P2RX4: variants seen among roughly 807,000 people sequenced by gnomAD.
P2RX4 encodes the protein purinergic receptor P2X 4, also known as P2X purinoceptor 4.
A neutral mutation model predicts 48.0 loss-of-function variants in P2RX4; 37 were observed. That is an observed-to-expected ratio of 0.77 (90% confidence interval 0.59 to 1.01). The LOEUF (loss-of-function observed/expected upper bound fraction) is 1.01, where lower values mean the gene tolerates loss of function less well. Ranked by LOEUF, P2RX4 falls within the 50% of genes least tolerant of loss-of-function variation. The pLI, the probability that P2RX4 is intolerant of heterozygous loss-of-function variation, is 0.00. For synonymous variants in P2RX4, 200 were observed against 199.7 expected, an observed-to-expected ratio of 1.00 and a Z score of -0.01; for missense variants, 501 against 521.4, an observed-to-expected ratio of 0.96 and a Z score of 0.38.
At chr12:121,215,382 A>G (rs1454666125) in intron 1 of P2RX4, 1 of 151,922 alleles carries the variant, frequency 6.6e-6, no homozygotes, top group African/African-American at 2.4e-5. Flanking sequence ...GAGCTGAGCC[A>G]TGAACCAAGA....
intron 2 of P2RX4, among the ~76,000 whole-genome samples, chr12:121,220,726 C>T (rs1886540977): frequency 1.3e-5 from 2 of 152,142 alleles, no homozygotes; most frequent in African/African-American, 2.4e-5. Context: ...CAAGCATCAC[C>T]TCTATCTAGT....
chr12:121,210,877 C>T (rs1885791541), intron 1 of P2RX4, among the ~76,000 whole-genome samples: 1 of 152,244 alleles, frequency 6.6e-6, no homozygotes. Context: ...CCCTGAACGT[C>T]TCAATCTTCG....
At chr12:121,227,052 G>A (rs1473149268) in intron 5 of P2RX4, among the ~76,000 whole-genome samples, 1 of 151,714 alleles carries the variant, frequency 6.6e-6, no homozygotes, top group African/African-American at 2.4e-5. Context: ...AGGTTGCAGT[G>A]AGCCGAGATC....
At chr12:121,228,470 T>TAA (rs1169814382) in intron 5 of P2RX4, 63 bp from the exon 6 acceptor site, 19 of 913,284 alleles carry the variant, frequency 2.1e-5, no homozygotes, top group Non-Finnish European at 3.3e-5. Context: ...TATATATATA[T>TAA]AACATGGTTA....
At chr12:121,213,234 C>T (rs1886006058) in intron 1 of P2RX4, 1 of 152,024 alleles carries the variant, frequency 6.6e-6, no homozygotes, top group African/African-American at 2.4e-5. Flanking sequence ...TGAGACAAAC[C>T]TGGGCAACAT....
chr12:121,217,069 C>T (rs1886274044), intron 1 of P2RX4, 65 bp from the exon 2 acceptor site: 7 of 1,523,024 alleles, frequency 4.6e-6, no homozygotes, highest in Non-Finnish European at 4.6e-6. Flanking sequence ...CCAGCAGAAG[C>T]TTCCCCATCA....
At chr12:121,211,802 G>T (rs1381395801) in intron 1 of P2RX4, among the ~76,000 whole-genome samples, 1 of 152,154 alleles carries the variant, frequency 6.6e-6, no homozygotes, top group East Asian at 1.9e-4. Flanking sequence ...AGCCTCCTGA[G>T]TAGCTGGGAT....
chr12:121,217,011 C>G, intron 1 of P2RX4, 123 bp from the exon 2 acceptor site: 1 of 989,578 alleles, frequency 1.0e-6, no homozygotes, highest in Non-Finnish European at 1.6e-6. Flanking sequence ...AGGTACGTAG[C>G]TTGTAGAAAG....
Position 121,219,577 on chromosome 12 carries a change from G to GTGGATGGATGGA in P2RX4, c.283-2306_283-2295dup, listed in dbSNP as rs767985861. ...AGACCCCATCTTGATTGGATGGGTGGTGGATGGATGGATGGATGGATGGAT... is the reference window on the plus strand; with the variant it reads ...AGACCCCATCTTGATTGGATGGGTGGTGGATGGATGGATGGATGGATGGATGGATGGATGGAT... On this transcript the variant is annotated intron_variant, in intron 2 of 11. Transcript: ENST00000337233. 4.4e-3 allele frequency among the ~76,000 whole-genome samples: 617 copies of GTGGATGGATGGA among 139,682 alleles called. 7 individuals are homozygous for GTGGATGGATGGA. Among genetic ancestry groups the GTGGATGGATGGA allele is most frequent in the African/African-American group, 9.7e-3 (355 of 36,718 alleles). The allele number at this position is 139,682 out of a possible 152,430, so 91.6% of individuals were successfully genotyped here.
In P2RX4 at chr12:121,232,687, T is replaced by G. The variant is rs28360473; in HGVS notation, c.1044+11T>G. 6.2e-7 allele frequency: 1 copy of G among 1,607,972 alleles called. No individual in the cohort carries two copies. Among genetic ancestry groups the G allele is most frequent in the Non-Finnish European group, 8.5e-7 (1 of 1,174,566 alleles). On this transcript the variant is annotated intron_variant, in intron 10 of 11. Transcript: ENST00000337233. The surrounding 1 kb of genome is among the most constrained non-coding windows in gnomAD (Gnocchi z 4.3). ...GCACTGCTAGGCATGGTGAGTGGTT[T>G]AGGCCCTGCCTTCACCCTCACGGTG...
intron 2 of P2RX4, among the ~76,000 whole-genome samples, chr12:121,219,810 TGATA>T (rs946285457): frequency 6.7e-6 from 1 of 148,576 alleles, no homozygotes; most frequent in African/African-American, 2.5e-5. Flanking sequence ...AGAAAACAGA[TGATA>T]GATATAGGAT....
chr12:121,218,385 G>T (rs1369334137), intron 2 of P2RX4, among the ~76,000 whole-genome samples: 1 of 152,170 alleles, frequency 6.6e-6, no homozygotes, highest in South Asian at 2.1e-4. Flanking sequence ...TAGGGAGGCT[G>T]AGGCAGGAGA....
chr12:121,215,122 T>G (rs565443635), intron 1 of P2RX4: 14 of 152,118 alleles, frequency 9.2e-5, no homozygotes, highest in Non-Finnish European at 1.6e-4. Flanking sequence ...TAGTCTCTAG[T>G]AGATGTTTAA....
intron 8 of P2RX4, among the ~76,000 whole-genome samples, chr12:121,231,803 A>G (rs1169601656): frequency 2.0e-5 from 3 of 152,102 alleles, no homozygotes; most frequent in African/African-American, 7.2e-5. Flanking sequence ...CAAGAGATTG[A>G]GACCATCATG....
intron 3 of P2RX4, 36 bp downstream of exon 3, chr12:121,222,020 C>A (rs538423423): frequency 1.2e-6 from 2 of 1,601,452 alleles, no homozygotes; most frequent in Admixed American, 1.7e-5. Context: ...AGGCCCCACA[C>A]CCCTCTCCAC....
intron 2 of P2RX4, among the ~76,000 whole-genome samples, chr12:121,219,097 G>T (rs1033172593): frequency 6.6e-6 from 1 of 152,178 alleles, no homozygotes; most frequent in African/African-American, 2.4e-5. Flanking sequence ...GTATAACTCA[G>T]GAGAGTCGTA....
chr12:121,233,511 CCTT>C lies in P2RX4; in HGVS notation c.1141-8_1141-6del, dbSNP rs767620904. On this transcript the variant is annotated splice_polypyrimidine_tract_variant and intron_variant, in intron 11 of 11. Coordinates refer to ENST00000337233, the MANE Select transcript of P2RX4 (RefSeq NM_002560.3). Reference sequence around the variant, plus strand: ...CAGGGGCACCTTGATCTGCTTGTGTCCTTCTTTGCAGGGTCTTGCTAGTGAGCT... The same window carrying C: ...CAGGGGCACCTTGATCTGCTTGTGTCCTTTGCAGGGTCTTGCTAGTGAGCT... 4 of 1,606,090 alleles carry C rather than the reference CCTT, an allele frequency of 2.5e-6. No homozygotes were observed. The highest frequency in any genetic ancestry group is 2.2e-5 in the South Asian group (2 of 89,652).
At chr12:121,222,810 G>T in intron 4 of P2RX4, 137 bp from the exon 5 acceptor site, 3 of 1,521,986 alleles carry the variant, frequency 2.0e-6, no homozygotes, top group Admixed American at 3.9e-5. Flanking sequence ...CAGTGACACT[G>T]TCTAAATCCC....
intron 5 of P2RX4, among the ~76,000 whole-genome samples, chr12:121,225,647 G>A (rs1593217804): frequency 6.6e-6 from 1 of 152,090 alleles, no homozygotes. Context: ...TCCTGACCTC[G>A]TGATCCACCT....
Sources: allele counts gnomAD v4.1 joint callset (sites outside exome capture counted in the v4.1 genomes callset), GRCh38; gene constraint gnomAD v4.1.1; non-coding constraint Gnocchi (gnomAD v3.1); transcripts MANE v1.5; gene names NCBI Gene and HGNC (gene_info 2026-07-23, HGNC 2026-07-21).